Variants in OXCT1 observed in about 807,000 individuals in gnomAD.
OXCT1 encodes the protein succinyl-CoA:3-ketoacid coenzyme A transferase 1, mitochondrial.
OXCT1 carries 27 observed loss-of-function variants against 69.6 expected under a neutral mutation model. The ratio of observed to expected loss-of-function variants is 0.39; its 90% CI spans 0.29 to 0.54. The LOEUF (loss-of-function observed/expected upper bound fraction) is 0.54. Ranked by LOEUF, OXCT1 falls within the 20% of genes least tolerant of loss-of-function variation. OXCT1 has a pLI of 0.72. For synonymous variants in OXCT1, 202 were observed against 217.8 expected, an observed-to-expected ratio of 0.93 and a Z score of 0.64; for missense variants, 437 against 650.2, an observed-to-expected ratio of 0.67 and a Z score of 3.57.
intron 13 of OXCT1, among the ~76,000 whole-genome samples, chr5:41,777,845 T>C (rs1273772875): frequency 2.0e-5 from 3 of 152,248 alleles, no homozygotes; most frequent in Non-Finnish European, 4.4e-5. Context: ...GATGGAATTA[T>C]GTTAGCAGAT....
Position 41,850,040 on chromosome 5 carries a change from T to A in OXCT1, c.554A>T (p.Lys185Met). 3 of 1,613,930 alleles carry A rather than the reference T, an allele frequency of 1.9e-6. No homozygotes were observed. Among genetic ancestry groups the A allele is most frequent in the Non-Finnish European group, 2.5e-6 (3 of 1,179,852 alleles). ...AAGAGTGTTTCTTACCTCTCTTGGC[T>A]TACTGGCAATGGCAACACTGCCATC... ...NKDGSVAIASKPREVREFNGQ... is the reference protein window; with the variant it reads ...NKDGSVAIASMPREVREFNGQ... Residue 185 changes from lysine to methionine, a missense_variant, in exon 5 of 17, where the codon AAG becomes ATG. Lys to Met is a moderately conservative substitution (Grantham distance 95). Transcript: ENST00000196371.
At chr5:41,752,054 T>C (rs945691882) in intron 14 of OXCT1, among the ~76,000 whole-genome samples, 3 of 152,176 alleles carry the variant, frequency 2.0e-5, no homozygotes, top group Admixed American at 6.6e-5. Flanking sequence ...CAGTATGCTA[T>C]GGCAGCTGCA....
At chr5:41,813,354 T>A (rs1348082854) in intron 7 of OXCT1, among the ~76,000 whole-genome samples, 1 of 152,072 alleles carries the variant, frequency 6.6e-6, no homozygotes, top group Non-Finnish European at 1.5e-5. Context: ...GGGGGAAGTC[T>A]TCAGTGCTGT....
At chr5:41,858,844 G>C (rs1376831744) in intron 3 of OXCT1, among the ~76,000 whole-genome samples, 1 of 152,020 alleles carries the variant, frequency 6.6e-6, no homozygotes, top group Admixed American at 6.6e-5. Context: ...AATATATCAA[G>C]AGTACCAAAA....
intron 7 of OXCT1, among the ~76,000 whole-genome samples, chr5:41,827,794 A>G (rs1230577404): frequency 6.6e-6 from 1 of 152,208 alleles, no homozygotes; most frequent in Non-Finnish European, 1.5e-5. Context: ...CAAAAAGAAA[A>G]GAGAGAGCTA....
At chr5:41,836,214 CAA>C (rs1748354005) in intron 7 of OXCT1, among the ~76,000 whole-genome samples, 2 of 152,134 alleles carry the variant, frequency 1.3e-5, no homozygotes, top group Non-Finnish European at 2.9e-5. Flanking sequence ...CACCCTCACT[CAA>C]AGAGAGGGAG....
intron 1 of OXCT1, 77 bp from the exon 2 acceptor site, chr5:41,862,827 T>C (rs1749802667): frequency 4.8e-6 from 4 of 832,220 alleles, no homozygotes; most frequent in South Asian, 2.8e-5. Context: ...ATTTATTCAA[T>C]TGATAGACAA....
At chr5:41,804,761 C>A (rs1484696870) in intron 9 of OXCT1, among the ~76,000 whole-genome samples, 1 of 152,090 alleles carries the variant, frequency 6.6e-6, no homozygotes, top group Non-Finnish European at 1.5e-5. Flanking sequence ...AGATCACAGT[C>A]TGGAAGACTG....
chr5:41,770,010 T>G (rs1385858624), intron 13 of OXCT1, among the ~76,000 whole-genome samples: 1 of 152,194 alleles, frequency 6.6e-6, no homozygotes, highest in Non-Finnish European at 1.5e-5. Context: ...TCCGCCTGCC[T>G]TGGCCTCCCA....
chr5:41,778,029 G>A (rs1388833137), intron 13 of OXCT1, among the ~76,000 whole-genome samples: 1 of 152,184 alleles, frequency 6.6e-6, no homozygotes, highest in African/African-American at 2.4e-5. Flanking sequence ...CAAACAGATA[G>A]TGAATGGCTA....
intron 13 of OXCT1, among the ~76,000 whole-genome samples, chr5:41,778,084 C>G (rs1745213106): frequency 6.6e-6 from 1 of 152,132 alleles, no homozygotes; most frequent in Non-Finnish European, 1.5e-5. Flanking sequence ...TGTGTCAGGC[C>G]TTCATGCAGA....
At position 41,730,789 on chromosome 5, in the gene OXCT1, T is replaced by C. The variant is rs755585749; in HGVS notation, c.*940A>G. 1.1e-4 allele frequency: 16 copies of C among 152,214 alleles called. No individual in the cohort carries two copies. The highest frequency in any genetic ancestry group is 1.9e-4 in the Non-Finnish European group (13 of 68,034). The allele number at this position is 152,214 out of a possible 1,614,324, so 9.4% of individuals were successfully genotyped here. On this transcript the variant is annotated 3_prime_UTR_variant, in exon 17 of 17. Coordinates refer to ENST00000196371, the MANE Select transcript of OXCT1 (RefSeq NM_000436.4). Reference sequence around the variant, plus strand: ...ATTAAAGGCACTTCGTTAAAGGAAGTAGCCTTGGCAGAAGAAAAACCGTTG... The same window carrying C: ...ATTAAAGGCACTTCGTTAAAGGAAGCAGCCTTGGCAGAAGAAAAACCGTTG...
In OXCT1 at chr5:41,794,666, T is replaced by C; in HGVS notation, c.1172+11A>G. 6.2e-7 allele frequency: 1 copy of C among 1,611,640 alleles called. No homozygotes were observed. The highest frequency in any genetic ancestry group is 1.1e-5 in the South Asian group (1 of 91,064). The stretch of plus-strand genomic sequence containing the variant: ...ACTGTCTGAAACATGAGGGGCTCTG[T>C]TATTACATACCCTCTAATCATTGCA... On this transcript the variant is annotated intron_variant, in intron 12 of 16. Coordinates refer to ENST00000196371, the MANE Select transcript of OXCT1 (RefSeq NM_000436.4).
chr5:41,767,115 A>G (rs1421404505), intron 13 of OXCT1, among the ~76,000 whole-genome samples: 1 of 152,184 alleles, frequency 6.6e-6, no homozygotes, highest in African/African-American at 2.4e-5. Flanking sequence ...GATAACATTA[A>G]TTTAAACATA....
chr5:41,777,690 C>T (rs1337851266), intron 13 of OXCT1, among the ~76,000 whole-genome samples: 2 of 152,194 alleles, frequency 1.3e-5, no homozygotes, highest in East Asian at 1.9e-4. Context: ...TCTAAAAATA[C>T]AGTCAGATCT....
At position 41,805,722 on chromosome 5, in the gene OXCT1, T is replaced by G. The variant is rs770097267; in HGVS notation, c.841-41A>C. ...AAATAAATTATTCGTGGTTGAGGTA[T>G]GCTTTGTATTTTATCACTGCTGAAA... On this transcript the variant is annotated intron_variant, in intron 8 of 16. Transcript: ENST00000196371. 3.0e-6 allele frequency: 4 copies of G among 1,312,212 alleles called. No homozygotes were observed. In the Admixed American group the frequency reaches 5.0e-5, roughly 17 times the overall value. 81.3% of individuals were successfully genotyped at this position (1,312,212 alleles called of 1,614,324 possible). A position where few individuals can be genotyped will look rare whatever the true frequency, so the allele number is the denominator to read the frequency against.
intron 13 of OXCT1, among the ~76,000 whole-genome samples, chr5:41,767,411 C>T (rs1744659713): frequency 6.6e-6 from 1 of 151,780 alleles, no homozygotes; most frequent in Non-Finnish European, 1.5e-5. Context: ...ATTATAAGGG[C>T]TTTTCAAAAA....
At chr5:41,794,220 C>CATGGAGCTGA in intron 12 of OXCT1, 142 bp from the exon 13 acceptor site, 1 of 702,068 alleles carries the variant, frequency 1.4e-6, no homozygotes, top group Non-Finnish European at 2.6e-6. Flanking sequence ...AATAGATCAG[C>CATGGAGCTGA]TCCATGCTGA....
intron 10 of OXCT1, among the ~76,000 whole-genome samples, chr5:41,802,525 G>A (rs1042066105): frequency 1.3e-5 from 2 of 152,076 alleles, no homozygotes; most frequent in African/African-American, 4.8e-5. Flanking sequence ...AGAATGAGAT[G>A]AGAACTTCTA....
Sources: gnomAD v4.1 joint callset for allele counts (sites outside exome capture counted in the v4.1 genomes callset) on GRCh38, gnomAD v4.1.1 for gene constraint, MANE v1.5 for transcripts, NCBI Gene and HGNC (gene_info 2026-07-23, HGNC 2026-07-21) for gene names.